ST8SIA1: variants seen among roughly 807,000 people sequenced by gnomAD.
ST8SIA1 encodes the protein alpha-N-acetylneuraminide alpha-2,8-sialyltransferase.
ST8SIA1 carries 16 observed loss-of-function variants against 35.9 expected under a neutral mutation model. The ratio of observed to expected loss-of-function variants is 0.45; its 90% CI spans 0.30 to 0.68. The LOEUF (loss-of-function observed/expected upper bound fraction) is 0.68. Among genes scored for constraint, ST8SIA1 ranks in the 30% least tolerant of loss-of-function variants. The probability of loss-of-function intolerance (pLI) is 0.09; values close to 1 mark genes in which losing one functional copy is unlikely to be tolerated. For synonymous variants in ST8SIA1, 170 were observed against 169.6 expected, an observed-to-expected ratio of 1.00 and a Z score of -0.02; for missense variants, 383 against 453.6, an observed-to-expected ratio of 0.84 and a Z score of 1.41.
chr12:22,231,461 T>C (rs902496477), intron 4 of ST8SIA1, among the ~76,000 whole-genome samples: 1 of 151,962 alleles, frequency 6.6e-6, no homozygotes, highest in African/African-American at 2.4e-5. Context: ...AACCAGCCCA[T>C]GTGGGAAGAA....
intron 1 of ST8SIA1, among the ~76,000 whole-genome samples, chr12:22,311,621 A>G (rs1464029031): frequency 6.6e-6 from 1 of 152,162 alleles, no homozygotes; most frequent in Non-Finnish European, 1.5e-5. Flanking sequence ...AAAGGCTTCA[A>G]TGAAATGGTG....
intron 2 of ST8SIA1, among the ~76,000 whole-genome samples, chr12:22,277,025 C>A (rs1158213678): frequency 2.0e-5 from 3 of 152,170 alleles, no homozygotes; most frequent in African/African-American, 4.8e-5. Flanking sequence ...TATGTTATAT[C>A]TCAGTCTCTC....
At chr12:22,276,612 C>T (rs780200877) in intron 2 of ST8SIA1, among the ~76,000 whole-genome samples, 9 of 152,094 alleles carry the variant, frequency 5.9e-5, no homozygotes, top group Non-Finnish European at 8.8e-5. Flanking sequence ...CACCCCTGCC[C>T]GACTCTGGAG....
At chr12:22,252,748 T>A (rs1381748281) in intron 3 of ST8SIA1, among the ~76,000 whole-genome samples, 1 of 152,216 alleles carries the variant, frequency 6.6e-6, no homozygotes, top group African/African-American at 2.4e-5. Flanking sequence ...GTGATAAATA[T>A]GGCCCACTGG....
chr12:22,283,381 T>C (rs530527300), intron 2 of ST8SIA1, among the ~76,000 whole-genome samples: 1 of 152,236 alleles, frequency 6.6e-6, no homozygotes. Flanking sequence ...TGGCAAGATA[T>C]CTTAGGTCAA....
intron 4 of ST8SIA1, among the ~76,000 whole-genome samples, chr12:22,222,826 T>G (rs934920525): frequency 4.6e-5 from 7 of 152,066 alleles, no homozygotes; most frequent in African/African-American, 1.7e-4. Flanking sequence ...TATTTATATA[T>G]TACCCAAGAG....
intron 4 of ST8SIA1, among the ~76,000 whole-genome samples, chr12:22,231,805 C>T (rs1865425175): frequency 6.6e-6 from 1 of 152,056 alleles, no homozygotes; most frequent in South Asian, 2.1e-4. Flanking sequence ...GATCTCCTGA[C>T]CTCATGATCC....
chr12:22,241,118 C>T (rs915795338), intron 4 of ST8SIA1, among the ~76,000 whole-genome samples: 3 of 151,986 alleles, frequency 2.0e-5, no homozygotes, highest in Admixed American at 6.5e-5. Context: ...CTCAGCCTCC[C>T]GAGTACCTGG....
intron 2 of ST8SIA1, among the ~76,000 whole-genome samples, chr12:22,276,598 C>G (rs1260296813): frequency 6.6e-6 from 1 of 152,086 alleles, no homozygotes; most frequent in Non-Finnish European, 1.5e-5. Flanking sequence ...GCCACTGCCA[C>G]CCCCACCCCT....
intron 4 of ST8SIA1, among the ~76,000 whole-genome samples, chr12:22,238,167 C>CG (rs202112533): frequency 1.3e-3 from 198 of 152,150 alleles, no homozygotes; most frequent in African/African-American, 4.6e-3. Context: ...GAGAACTCCC[C>CG]CCCCAACAAG....
At position 22,204,295 on chromosome 12, in the gene ST8SIA1, A is replaced by C. The variant is rs116305412; in HGVS notation, c.585-2257T>G. 8.7e-3 allele frequency among the ~76,000 whole-genome samples: 1,321 copies of C among 152,316 alleles called. 18 individuals are homozygous for C. Among genetic ancestry groups the C allele is most frequent in the African/African-American group, 0.03 (1,247 of 41,566 alleles). ...TATATTTTACAAATAAAAATCGTGT[A>C]TATTTAAGGTATGTAATGTGGTGTT... On this transcript the variant is annotated intron_variant, in intron 4 of 4. Transcript: ENST00000396037.
chr12:22,253,212 C>A (rs1412626748), intron 3 of ST8SIA1, among the ~76,000 whole-genome samples: 1 of 152,176 alleles, frequency 6.6e-6, no homozygotes, highest in Admixed American at 6.5e-5. Context: ...CAGACCTAGT[C>A]AACAACAGCA....
intron 4 of ST8SIA1, among the ~76,000 whole-genome samples, chr12:22,209,815 C>T (rs1865157985): frequency 6.6e-6 from 1 of 152,068 alleles, no homozygotes; most frequent in Admixed American, 6.6e-5. Flanking sequence ...TAATATACAT[C>T]TTTACTGTCT....
intron 1 of ST8SIA1, among the ~76,000 whole-genome samples, chr12:22,311,733 A>G (rs1052989885): frequency 1.2e-4 from 19 of 152,288 alleles, no homozygotes; most frequent in African/African-American, 4.6e-4. Flanking sequence ...TAAATTTGGG[A>G]AACTGTGCAT....
chr12:22,309,872 G>A (rs1242759139), intron 1 of ST8SIA1, among the ~76,000 whole-genome samples: 2 of 152,174 alleles, frequency 1.3e-5, no homozygotes, highest in African/African-American at 2.4e-5. Flanking sequence ...CAGATGCTAT[G>A]CCATGTCCTT....
intron 2 of ST8SIA1, among the ~76,000 whole-genome samples, chr12:22,263,972 C>G (rs1407905562): frequency 6.6e-6 from 1 of 152,150 alleles, no homozygotes; most frequent in Non-Finnish European, 1.5e-5. Flanking sequence ...ATGAAAATCT[C>G]AAGTTTTTGA....
At chr12:22,267,180 A>G (rs1865859311) in intron 2 of ST8SIA1, among the ~76,000 whole-genome samples, 1 of 152,226 alleles carries the variant, frequency 6.6e-6, no homozygotes, top group Admixed American at 6.5e-5. Flanking sequence ...GGTGGTATCA[A>G]TTAGGGCATC....
chr12:22,282,694 G>T (rs571134279), intron 2 of ST8SIA1, among the ~76,000 whole-genome samples: 3 of 152,170 alleles, frequency 2.0e-5, no homozygotes, highest in East Asian at 1.9e-4. Flanking sequence ...CAATTATTTG[G>T]TTCTGCCCCC....
chr12:22,327,737 C>T (rs1333877717), intron 1 of ST8SIA1, among the ~76,000 whole-genome samples: 5 of 152,046 alleles, frequency 3.3e-5, no homozygotes, highest in Non-Finnish European at 4.4e-5. Context: ...ATATAAATAT[C>T]CTAAAACGCC....
Sources: gnomAD v4.1 joint callset for allele counts (sites outside exome capture counted in the v4.1 genomes callset) on GRCh38, gnomAD v4.1.1 for gene constraint, MANE v1.5 for transcripts, NCBI Gene and HGNC (gene_info 2026-07-23, HGNC 2026-07-21) for gene names.